The following DNAJC3 variants were observed in gnomAD, a reference collection of about 807,000 sequenced individuals.
DNAJC3 encodes the protein DnaJ heat shock protein family (Hsp40) member C3.
Under a neutral mutation model 68.6 loss-of-function variants are expected in DNAJC3, and 38 were observed. The ratio of observed to expected loss-of-function variants is 0.55; its 90% CI spans 0.43 to 0.73. The LOEUF (loss-of-function observed/expected upper bound fraction) is 0.73, where lower values mean the gene tolerates loss of function less well. DNAJC3 is among the 30% of genes least tolerant of loss of function. The pLI, the probability that DNAJC3 is intolerant of heterozygous loss-of-function variation, is 0.00. For missense variants in DNAJC3, 526 were observed against 591.9 expected, an observed-to-expected ratio of 0.89 and a Z score of 1.16; for synonymous variants, 203 against 204.0, an observed-to-expected ratio of 1.00 and a Z score of 0.04.
chr13:95,685,068 A>T (rs779761262), intron 1 of DNAJC3, among the ~76,000 whole-genome samples: 8 of 152,218 alleles, frequency 5.3e-5, no homozygotes, highest in Non-Finnish European at 8.8e-5. Context: ...AGCTGTGAGA[A>T]AGACCACCAT....
At chr13:95,749,812 G>A (rs1882418189) in intron 4 of DNAJC3, among the ~76,000 whole-genome samples, 1 of 152,110 alleles carries the variant, frequency 6.6e-6, no homozygotes, top group African/African-American at 2.4e-5. Flanking sequence ...CACTTTGTGA[G>A]GCCGAGGCAG....
intron 4 of DNAJC3, among the ~76,000 whole-genome samples, chr13:95,731,970 G>T (rs1272296196): frequency 6.6e-6 from 1 of 150,990 alleles, no homozygotes; most frequent in Non-Finnish European, 1.5e-5. Flanking sequence ...AAACTCCTGG[G>T]CTTAAGAGAT....
At chr13:95,745,317 T>A (rs763912559) in intron 4 of DNAJC3, 1 of 152,214 alleles carries the variant, frequency 6.6e-6, no homozygotes, top group Non-Finnish European at 1.5e-5. Flanking sequence ...GTCACTTGTA[T>A]TAAATTCTAA....
intron 9 of DNAJC3, among the ~76,000 whole-genome samples, chr13:95,766,754 G>T (rs1883003531): frequency 6.6e-6 from 1 of 151,492 alleles, no homozygotes; most frequent in Admixed American, 6.6e-5. Flanking sequence ...GAGTGCAGTG[G>T]CATGATCTCG....
intron 2 of DNAJC3, among the ~76,000 whole-genome samples, chr13:95,721,537 A>G (rs1455695824): frequency 1.3e-5 from 2 of 152,140 alleles, no homozygotes; most frequent in Non-Finnish European, 2.9e-5. Flanking sequence ...AACAGCGCAC[A>G]GGTGTTCCAG....
Position 95,679,910 on chromosome 13 carries a change from G to C in DNAJC3, c.82+2573G>C, listed in dbSNP as rs555182452. On this transcript the variant is annotated intron_variant, in intron 1 of 11. Transcript: ENST00000602402. The stretch of plus-strand genomic sequence containing the variant: ...CACAGGATGGGGAAGAGATAACCTA[G>C]TGTTTTTCTGATTTTGAAATATTTG... 2.6e-5 allele frequency among the ~76,000 whole-genome samples: 4 copies of C among 152,264 alleles called. No individual in the cohort carries two copies. The East Asian group carries it at 7.7e-4, about 29-fold the overall frequency.
At chr13:95,749,021 A>G (rs1378833983) in intron 4 of DNAJC3, among the ~76,000 whole-genome samples, 1 of 152,234 alleles carries the variant, frequency 6.6e-6, no homozygotes, top group Non-Finnish European at 1.5e-5. Flanking sequence ...ACTGTAATTC[A>G]CCAACTGTAA....
At chr13:95,754,480 C>G (rs1882589753) in intron 4 of DNAJC3, among the ~76,000 whole-genome samples, 1 of 152,056 alleles carries the variant, frequency 6.6e-6, no homozygotes, top group Admixed American at 6.6e-5. Context: ...AACAATAGGC[C>G]TAGGTTCATA....
At position 95,709,263 on chromosome 13, in the gene DNAJC3, A is replaced by G. The variant is rs756388592; in HGVS notation, c.119A>G (p.His40Arg). The change falls in exon 2 of 12, where the codon CAT (histidine) becomes CGT (arginine). Residue 40 changes from histidine (H) to arginine (R), a missense_variant. By Grantham distance (29) the His-to-Arg change is conservative. Coordinates refer to ENST00000602402, the MANE Select transcript of DNAJC3 (RefSeq NM_006260.5). ...GGAGTAAATGCAGATGTTGAGAAACATCTTGAATTGGGCAAGAAATTACTT... is the reference window on the plus strand; with the variant it reads ...GGAGTAAATGCAGATGTTGAGAAACGTCTTGAATTGGGCAAGAAATTACTT... ...ECGVNADVEK[H>R]LELGKKLLAA... The G allele has an allele frequency of 9.4e-6, 15 of 1,587,666 alleles. No individual in the cohort carries two copies. The highest frequency in any genetic ancestry group is 1.3e-5 in the African/African-American group (1 of 74,210).
At chr13:95,683,367 A>T (rs1203182574) in intron 1 of DNAJC3, among the ~76,000 whole-genome samples, 1 of 152,010 alleles carries the variant, frequency 6.6e-6, no homozygotes, top group East Asian at 1.9e-4. Context: ...GCCTGGTGGG[A>T]AGTGATTGGA....
intron 4 of DNAJC3, among the ~76,000 whole-genome samples, chr13:95,756,204 A>C (rs993086215): frequency 6.6e-6 from 1 of 152,194 alleles, no homozygotes; most frequent in Non-Finnish European, 1.5e-5. Flanking sequence ...ACCCAGAGCA[A>C]AGTGACAGTG....
chr13:95,781,319 T>C (rs1281352651), intron 9 of DNAJC3, among the ~76,000 whole-genome samples: 1 of 152,100 alleles, frequency 6.6e-6, no homozygotes, highest in Admixed American at 6.5e-5. Context: ...TCTCACGGAC[T>C]ATCCTGACAG....
At chr13:95,741,842 G>T (rs1593996166) in intron 4 of DNAJC3, among the ~76,000 whole-genome samples, 2 of 152,318 alleles carry the variant, frequency 1.3e-5, no homozygotes, top group South Asian at 4.1e-4. Context: ...TATAGACTGG[G>T]CAGAGAAATC....
chr13:95,691,196 A>AC (rs533780086), intron 1 of DNAJC3, among the ~76,000 whole-genome samples: 7 of 137,934 alleles, frequency 5.1e-5, no homozygotes, highest in East Asian at 2.2e-4. Flanking sequence ...CAGGCGGCTG[A>AC]CCCCCCCACC....
At chr13:95,706,180 A>G (rs1880739237) in intron 1 of DNAJC3, among the ~76,000 whole-genome samples, 1 of 152,222 alleles carries the variant, frequency 6.6e-6, no homozygotes, top group Non-Finnish European at 1.5e-5. Flanking sequence ...AAAGGGTCAG[A>G]TAGTAAATAT....
intron 1 of DNAJC3, among the ~76,000 whole-genome samples, chr13:95,692,008 C>T (rs1035617779): frequency 6.6e-6 from 1 of 151,964 alleles, no homozygotes; most frequent in Admixed American, 6.5e-5. Context: ...GGCAGCAGCA[C>T]CATCCAGCTT....
chr13:95,687,670 A>G (rs562867564), intron 1 of DNAJC3, among the ~76,000 whole-genome samples: 6 of 152,324 alleles, frequency 3.9e-5, no homozygotes, highest in African/African-American at 1.4e-4. Flanking sequence ...TGTCTTGGTT[A>G]CTGTAGCCTT....
intron 4 of DNAJC3, chr13:95,744,735 G>A (rs1431820352): frequency 3.3e-5 from 5 of 152,134 alleles, no homozygotes; most frequent in Non-Finnish European, 7.3e-5. Context: ...TAAGCATTCG[G>A]AACCTTGATT....
At chr13:95,710,163 T>C (rs1436774382) in intron 2 of DNAJC3, among the ~76,000 whole-genome samples, 1 of 152,098 alleles carries the variant, frequency 6.6e-6, no homozygotes, top group Non-Finnish European at 1.5e-5. Context: ...GTTAGGACTG[T>C]AAGAAGTGAG....
Sources: allele counts gnomAD v4.1 joint callset (sites outside exome capture counted in the v4.1 genomes callset), GRCh38; gene constraint gnomAD v4.1.1; transcripts MANE v1.5; gene names NCBI Gene and HGNC (gene_info 2026-07-23, HGNC 2026-07-21).